CELF4: variants seen among roughly 807,000 people sequenced by gnomAD.
The protein encoded by CELF4 is CUGBP Elav-like family member 4.
In CELF4, 18 loss-of-function variants were observed where a neutral mutation model predicts 59.9. The observed-to-expected ratio is 0.30, with a 90% CI of 0.21 to 0.45. CELF4 has a LOEUF of 0.45. Ranked by LOEUF, CELF4 falls within the 20% of genes least tolerant of loss-of-function variation. The pLI is 1.00. For synonymous variants in CELF4, 261 were observed against 267.1 expected, an observed-to-expected ratio of 0.98 and a Z score of 0.22; for missense variants, 456 against 689.0, an observed-to-expected ratio of 0.66 and a Z score of 3.79.
intron 10 of CELF4, among the ~76,000 whole-genome samples, chr18:37,260,364 G>A (rs1235558832): frequency 1.3e-5 from 2 of 152,186 alleles, no homozygotes; most frequent in Admixed American, 6.5e-5. Flanking sequence ...TCCAAGATGC[G>A]TCTTAGATAG....
Position 37,403,302 on chromosome 18 carries a change from C to G in CELF4, c.370-81421G>C, listed in dbSNP as rs1036024390. ...TGTCAGGCCACTGTCTCCCTGCCCCCCTCCATAAGAGGAGCAGCCGCTTCA... is the reference window on the plus strand; with the variant it reads ...TGTCAGGCCACTGTCTCCCTGCCCCGCTCCATAAGAGGAGCAGCCGCTTCA... On this transcript the variant is annotated intron_variant, in intron 2 of 12. Coordinates refer to ENST00000420428, the MANE Select transcript of CELF4 (RefSeq NM_020180.4). Among the ~76,000 whole-genome samples the G allele has an allele frequency of 3.9e-5, 6 of 152,254 alleles. No individual in the cohort carries two copies. In the South Asian group the frequency reaches 1.0e-3, roughly 26 times the overall value.
At chr18:37,391,019 C>T (rs1387531269) in intron 2 of CELF4, among the ~76,000 whole-genome samples, 3 of 152,142 alleles carry the variant, frequency 2.0e-5, no homozygotes, top group Admixed American at 6.5e-5. Context: ...TCACAGCAGC[C>T]CTGAATGTGG....
intron 3 of CELF4, among the ~76,000 whole-genome samples, chr18:37,315,711 G>A (rs1603451067): frequency 6.6e-6 from 1 of 152,168 alleles, no homozygotes; most frequent in South Asian, 2.1e-4. Context: ...CCAGGGAGGC[G>A]GGAAAGAAAC....
chr18:37,409,356 C>T (rs1275855052), intron 2 of CELF4, among the ~76,000 whole-genome samples: 1 of 152,120 alleles, frequency 6.6e-6, no homozygotes, highest in African/African-American at 2.4e-5. Context: ...CATGTTTGAG[C>T]TAGGAGGAAT....
At chr18:37,329,243 G>T (rs1467509723) in intron 2 of CELF4, among the ~76,000 whole-genome samples, 1 of 152,194 alleles carries the variant, frequency 6.6e-6, no homozygotes, top group Non-Finnish European at 1.5e-5. Context: ...GGCAGGAGAA[G>T]TTTCCAAGGG....
At chr18:37,537,609 A>G (rs941972550) in intron 1 of CELF4, among the ~76,000 whole-genome samples, 3 of 152,120 alleles carry the variant, frequency 2.0e-5, no homozygotes, top group Admixed American at 6.5e-5. Context: ...CCAACTCCAC[A>G]TGTGAGCCTG....
chr18:37,401,672 A>T (rs530840513), intron 2 of CELF4, among the ~76,000 whole-genome samples: 1 of 152,314 alleles, frequency 6.6e-6, no homozygotes, highest in East Asian at 1.9e-4. Flanking sequence ...ACTCCATGAC[A>T]TGGATCTGAG....
At chr18:37,300,228 C>CTT (rs397963393) in intron 3 of CELF4, among the ~76,000 whole-genome samples, 8 of 144,986 alleles carry the variant, frequency 5.5e-5, no homozygotes, top group Admixed American at 2.1e-4. Context: ...TGCTCCAGCA[C>CTT]TTTTTTTTTT....
intron 2 of CELF4, among the ~76,000 whole-genome samples, chr18:37,458,124 G>C (rs898881601): frequency 6.6e-6 from 1 of 152,216 alleles, no homozygotes; most frequent in African/African-American, 2.4e-5. Flanking sequence ...TTTTGAGCAA[G>C]GAGCCCTTTC....
intron 2 of CELF4, among the ~76,000 whole-genome samples, chr18:37,353,374 C>T (rs547991919): frequency 7.3e-5 from 11 of 151,586 alleles, no homozygotes; most frequent in Admixed American, 4.0e-4. Flanking sequence ...AATGGAGTGA[C>T]GGGGCTGGCC....
At chr18:37,463,568 T>C (rs2099799557) in intron 2 of CELF4, among the ~76,000 whole-genome samples, 2 of 152,190 alleles carry the variant, frequency 1.3e-5, no homozygotes, top group South Asian at 2.1e-4. Context: ...ACAGAAGTCT[T>C]TGGACCTGGG....
At chr18:37,338,444 CACTGTCACT>C (rs1167844597) in intron 2 of CELF4, among the ~76,000 whole-genome samples, 3 of 151,168 alleles carry the variant, frequency 2.0e-5, no homozygotes, top group Non-Finnish European at 2.9e-5. Context: ...TCACTGTCAC[CACTGTCACT>C]ACCACCATCA....
At position 37,253,030 on chromosome 18, in the gene CELF4, G is replaced by A. The variant is rs557242542; in HGVS notation, c.*44+737C>T. 4.6e-4 allele frequency among the ~76,000 whole-genome samples: 70 copies of A among 151,590 alleles called. 1 individual carries two copies. The highest frequency in any genetic ancestry group is 1.6e-3 in the African/African-American group (66 of 40,914). The stretch of plus-strand genomic sequence containing the variant: ...GGAATCTCCCCCCATTCTTTCTGCA[G>A]GAAGAACTTTGCTCAGGGGAACACG... On this transcript the variant is annotated intron_variant, in intron 12 of 12. Transcript: ENST00000420428. The surrounding 1 kb of genome is among the most constrained non-coding windows in gnomAD (Gnocchi z 4.5).
At chr18:37,345,512 G>A (rs2098221991) in intron 2 of CELF4, among the ~76,000 whole-genome samples, 1 of 152,144 alleles carries the variant, frequency 6.6e-6, no homozygotes, top group South Asian at 2.1e-4. Context: ...GACCTCGGTT[G>A]CAGCAACCAG....
At chr18:37,473,001 C>T (rs1267343210) in intron 2 of CELF4, among the ~76,000 whole-genome samples, 1 of 152,118 alleles carries the variant, frequency 6.6e-6, no homozygotes, top group Non-Finnish European at 1.5e-5. Context: ...CCGAACCCTG[C>T]GACTCAGCCT....
intron 2 of CELF4, among the ~76,000 whole-genome samples, chr18:37,361,911 G>C (rs974973148): frequency 6.6e-5 from 10 of 152,214 alleles, no homozygotes; most frequent in African/African-American, 2.2e-4. Flanking sequence ...GGAAGAGAAA[G>C]GCAGGAGGGA....
intron 1 of CELF4, among the ~76,000 whole-genome samples, chr18:37,492,703 C>T (rs1315760522): frequency 1.3e-5 from 2 of 152,170 alleles, no homozygotes; most frequent in Non-Finnish European, 2.9e-5. Flanking sequence ...GCCTTTAAGA[C>T]TCACTTCTTA....
chr18:37,275,281 A>C (rs2092909203), intron 3 of CELF4, 38 bp from the exon 4 acceptor site: 1 of 1,584,402 alleles, frequency 6.3e-7, no homozygotes, highest in Non-Finnish European at 8.6e-7. Flanking sequence ...CGGGCCAGGG[A>C]CCGGGCTGCG....
intron 1 of CELF4, among the ~76,000 whole-genome samples, chr18:37,487,973 C>A (rs1021879464): frequency 6.6e-6 from 1 of 151,984 alleles, no homozygotes; most frequent in Non-Finnish European, 1.5e-5. Context: ...CCGTCTCCAC[C>A]CCCTGAATTT....
Sources: allele counts gnomAD v4.1 joint callset (sites outside exome capture counted in the v4.1 genomes callset), GRCh38; gene constraint gnomAD v4.1.1; non-coding constraint Gnocchi (gnomAD v3.1); transcripts MANE v1.5; gene names NCBI Gene and HGNC (gene_info 2026-07-23, HGNC 2026-07-21).